Variants in TET1 observed in about 807,000 individuals in gnomAD.
TET1 encodes tet methylcytosine dioxygenase 1.
Under a neutral mutation model 148.7 loss-of-function variants are expected in TET1, and 13 were observed. The observed-to-expected ratio is 0.09, with a 90% CI of 0.06 to 0.14. The LOEUF (loss-of-function observed/expected upper bound fraction) is 0.14. Ranked by LOEUF, TET1 falls within the 10% of genes least tolerant of loss-of-function variation. TET1 has a pLI of 1.00. For missense variants in TET1, 2,182 were observed against 2,553.8 expected (o/e 0.85, Z 3.14); for synonymous variants, 907 against 937.2 (o/e 0.97, Z 0.59).
At chr10:68,686,272 G>T in intron 10 of TET1, 84 bp from the exon 11 acceptor site, 1 of 1,196,200 alleles carries the variant, frequency 8.4e-7, no homozygotes, top group South Asian at 1.6e-5. Flanking sequence ...CTTTCCCAAA[G>T]GCAACAACAC....
Position 68,671,072 on chromosome 10 carries a change from G to A in TET1, c.4674-1823G>A, listed in dbSNP as rs529144089. On this transcript the variant is annotated intron_variant, in intron 7 of 11. Transcript: ENST00000373644. The stretch of plus-strand genomic sequence containing the variant: ...TTTTTTAACTTTCATTTTAGGTTCA[G>A]GAGTGCATTTGCAGGTTTTTTATTT... Among the ~76,000 whole-genome samples the A allele has an allele frequency of 9.2e-5, 14 of 152,048 alleles. No individual in the cohort carries two copies. In the South Asian group the frequency reaches 2.7e-3, roughly 29 times the overall value.
chr10:68,691,299 G>A lies in TET1; in HGVS notation c.5896G>A (p.Ala1966Thr), dbSNP rs2055589869. 1 of 1,614,188 alleles carries A rather than the reference G, an allele frequency of 6.2e-7. No individual in the cohort carries two copies. Among genetic ancestry groups the A allele is most frequent in the Non-Finnish European group, 8.5e-7 (1 of 1,180,032 alleles). The change falls in exon 12 of 12, where the codon GCA becomes ACA. Residue 1966 changes from alanine to threonine, a missense_variant. By Grantham distance (58) the Ala-to-Thr change is moderately conservative. This residue lies in a region of TET1 where 380 missense variants were observed against 387.9 expected (regional missense o/e 0.98). Transcript: ENST00000373644. This position sits in a 1 kb window ranked among gnomAD's most constrained non-coding sequence, Gnocchi z 4.4. ...GGAAGAAGATGAGCAGCATTCTGAAGCAGATGAGCCTCCATCAGACGAACC... is the reference window on the plus strand; with the variant it reads ...GGAAGAAGATGAGCAGCATTCTGAAACAGATGAGCCTCCATCAGACGAACC... ...PMEEDEQHSE[A>T]DEPPSDEPLS...
intron 3 of TET1, among the ~76,000 whole-genome samples, chr10:68,622,740 T>A (rs556989422): frequency 6.6e-6 from 1 of 150,618 alleles, no homozygotes; most frequent in African/African-American, 2.5e-5. Context: ...TCCCTGAAAT[T>A]GGTTTTTAAG....
At chr10:68,687,256 G>A (rs376278278) in intron 11 of TET1, among the ~76,000 whole-genome samples, 2 of 151,708 alleles carry the variant, frequency 1.3e-5, no homozygotes, top group Non-Finnish European at 2.9e-5. Context: ...ATGGGGAGGG[G>A]TCTCACTTTA....
chr10:68,667,943 G>A, intron 7 of TET1, among the ~76,000 whole-genome samples: 1 of 152,058 alleles, frequency 6.6e-6, no homozygotes, highest in East Asian at 1.9e-4. Context: ...TTTTTCTGTA[G>A]TCTTACCAAT....
intron 8 of TET1, among the ~76,000 whole-genome samples, chr10:68,677,109 C>A (rs1359391192): frequency 1.3e-5 from 2 of 152,066 alleles, no homozygotes; most frequent in African/African-American, 2.4e-5. Flanking sequence ...TTTTGGAGGG[C>A]CAAACAAAAA....
intron 3 of TET1, among the ~76,000 whole-genome samples, chr10:68,622,176 TCC>T (rs2054381627): frequency 1.1e-5 from 1 of 92,020 alleles, no homozygotes. Flanking sequence ...CTTCCTTCCT[TCC>T]TTCCTTCCTT....
intron 3 of TET1, among the ~76,000 whole-genome samples, chr10:68,624,172 C>T (rs1261924160): frequency 1.3e-5 from 2 of 151,936 alleles, no homozygotes; most frequent in African/African-American, 4.8e-5. Flanking sequence ...TCTCGGCCCA[C>T]TGAAACTTCC....
chr10:68,674,898 A>G, intron 8 of TET1: 1 of 389,666 alleles, frequency 2.6e-6, no homozygotes, highest in African/African-American at 2.1e-5. Context: ...AGGATTGGAA[A>G]AGACATAGAA....
At position 68,646,439 on chromosome 10, in the gene TET1, C is replaced by T; in HGVS notation, c.3710C>T (p.Pro1237Leu). Reference protein sequence around the residue: ...RSIMQPKTVFPPLTQIKLQRY... With the variant: ...RSIMQPKTVFLPLTQIKLQRY... ...ATTATGCAACCCAAAACAGTATTTC[C>T]ACCACTCACTCAGATAAAATTACAG... The change falls in exon 4 of 12, where the codon CCA (proline) becomes CTA (leucine). Residue 1237 changes from proline (P) to leucine (L), a missense_variant. Physicochemically the swap from Pro to Leu is moderately conservative, Grantham distance 98. Transcript: ENST00000373644. The T allele has an allele frequency of 1.2e-6, 2 of 1,614,146 alleles. No individual in the cohort carries two copies. The highest frequency in any genetic ancestry group is 1.7e-6 in the Non-Finnish European group (2 of 1,180,042).
At chr10:68,594,397 C>G (rs1331966398) in intron 2 of TET1, among the ~76,000 whole-genome samples, 1 of 152,148 alleles carries the variant, frequency 6.6e-6, no homozygotes, top group Non-Finnish European at 1.5e-5. Context: ...GATTATTCAC[C>G]TACTTTTTCC....
chr10:68,561,880 A>G (rs887420493), intron 1 of TET1, among the ~76,000 whole-genome samples: 3 of 152,074 alleles, frequency 2.0e-5, no homozygotes, highest in Non-Finnish European at 4.4e-5. Context: ...TTCCAAAAGA[A>G]CACTTAAAGC....
At chr10:68,675,019 G>A (rs939633954) in intron 8 of TET1, 11 of 417,354 alleles carry the variant, frequency 2.6e-5, no homozygotes, top group Non-Finnish European at 4.8e-5. Flanking sequence ...GGTGAAGGTA[G>A]CAGTTCTGGA....
intron 2 of TET1, among the ~76,000 whole-genome samples, chr10:68,590,306 T>A (rs2132838576): frequency 6.6e-6 from 1 of 151,624 alleles, no homozygotes; most frequent in Admixed American, 6.6e-5. Flanking sequence ...TTTGTTTTTG[T>A]TTTTGTTTTA....
At chr10:68,667,469 A>G (rs2055209728) in intron 7 of TET1, among the ~76,000 whole-genome samples, 1 of 152,170 alleles carries the variant, frequency 6.6e-6, no homozygotes, top group Non-Finnish European at 1.5e-5. Context: ...ATATTACTTC[A>G]CTGTGACCAG....
intron 3 of TET1, among the ~76,000 whole-genome samples, chr10:68,622,136 G>A (rs10998336): frequency 0.33 from 49,497 of 150,978 alleles, 8,603 homozygotes; most frequent in Middle Eastern, 0.39. Context: ...CCTTTTTTGG[G>A]TGCAGGATTC....
chr10:68,668,071 C>T (rs1330742121), intron 7 of TET1, among the ~76,000 whole-genome samples: 1 of 152,048 alleles, frequency 6.6e-6, no homozygotes, highest in Non-Finnish European at 1.5e-5. Context: ...AACCATTTGG[C>T]TTTTTTTGTT....
At chr10:68,676,268 ATTTTTTTTTTTT>A (rs1217792442) in intron 8 of TET1, among the ~76,000 whole-genome samples, 1 of 36,008 alleles carries the variant, frequency 2.8e-5, no homozygotes, top group Non-Finnish European at 4.6e-5. Context: ...ATATATATAT[ATTTTTTTTTTTT>A]TTTTTTTTTT....
chr10:68,597,402 C>A (rs2054001592), intron 2 of TET1, among the ~76,000 whole-genome samples: 1 of 151,976 alleles, frequency 6.6e-6, no homozygotes, highest in Admixed American at 6.6e-5. Context: ...GAACAATTAA[C>A]CTGGAAAAAA....
Sources: gnomAD v4.1 joint callset for allele counts (sites outside exome capture counted in the v4.1 genomes callset) on GRCh38, gnomAD v4.1.1 for gene constraint, gnomAD v4.1.1 regional missense constraint, Gnocchi (gnomAD v3.1) non-coding constraint, MANE v1.5 for transcripts, NCBI Gene and HGNC (gene_info 2026-07-23, HGNC 2026-07-21) for gene names.